The following TMC6 variants were observed in gnomAD, a reference collection of about 807,000 sequenced individuals.
TMC6 encodes the protein transmembrane channel like 6.
A neutral mutation model predicts 95.4 loss-of-function variants in TMC6; 71 were observed. That is an observed-to-expected ratio of 0.74 (90% CI 0.61 to 0.91). The LOEUF is 0.91. Ranked by LOEUF, TMC6 falls within the 40% of genes least tolerant of loss-of-function variation. TMC6 has a pLI of 0.00. For synonymous variants in TMC6, 514 were observed against 483.1 expected (o/e 1.06, Z -0.84); for missense variants, 1,074 against 1,079.1 (o/e 1.00, Z 0.07).
At chr17:78,115,546 C>T (rs1446337817) in intron 18 of TMC6, among the ~76,000 whole-genome samples, 1 of 152,120 alleles carries the variant, frequency 6.6e-6, no homozygotes, top group Non-Finnish European at 1.5e-5. Flanking sequence ...GCTGGGTAGC[C>T]CGGGGGGAAA....
In TMC6 at chr17:78,117,821, G is replaced by T; in HGVS notation, c.2002C>A (p.Leu668Ile). The change falls in exon 16 of 20, where the codon CTC becomes ATC. Residue 668 changes from leucine to isoleucine, a missense_variant. Transcript: ENST00000590602. The part of the protein sequence containing the change: ...FPAFLGAAVF[L>I]CYAVWQVKPS... The stretch of plus-strand genomic sequence containing the variant: ...ACTCACTGCCAGACGGCGTAGCAGA[G>T]GAAGACAGCGGCGCCCAGGAAGGCG... The T allele has an allele frequency of 6.2e-7, 1 of 1,607,470 alleles. No individual in the cohort carries two copies. The highest frequency in any genetic ancestry group is 1.1e-5 in the South Asian group (1 of 89,972).
At chr17:78,123,223 G>A (rs888694190) in intron 9 of TMC6, 11 of 287,414 alleles carry the variant, frequency 3.8e-5, no homozygotes, top group African/African-American at 2.4e-4. Context: ...CTCATGGATT[G>A]TCCCAGCCCA....
Position 78,117,794 on chromosome 17 carries a change from C to T in TMC6, c.2021+8G>A. 1 of 1,604,622 alleles carries T rather than the reference C, an allele frequency of 6.2e-7. No homozygotes were observed. The highest frequency in any genetic ancestry group is 8.5e-7 in the Non-Finnish European group (1 of 1,175,894). On this transcript the variant is annotated splice_region_variant and intron_variant, in intron 16 of 19. Transcript: ENST00000590602. ...ACAGAAGGGTCTCCCTCCACCCGCC[C>T]CACTCACTGCCAGACGGCGTAGCAG...
intron 6 of TMC6, 47 bp from the exon 7 acceptor site, chr17:78,125,032 ACT>A (rs1246684066): frequency 1.3e-6 from 2 of 1,547,688 alleles, no homozygotes; most frequent in Non-Finnish European, 8.7e-7. Flanking sequence ...GAGGGGCCTG[ACT>A]CTCTCCTTCC....
upstream of TMC6, chr17:78,132,305 G>C (rs1354985): frequency 0.51 from 819,998 of 1,602,148 alleles, 216,514 homozygotes; most frequent in Middle Eastern, 0.57. Flanking sequence ...GACTCTCAGC[G>C]CGGCCCCAGC....
At position 78,121,589 on chromosome 17, in the gene TMC6, C is replaced by A; in HGVS notation, c.1350G>T (p.Val450=). ...LCLGTALGCA[V]AVHVFSEFMI... ...TGAACTCCGAGAAGACGTGGACGGC[C>A]ACGGCGCAGCCCAGCGCGGTCCCCA... is the stretch of plus-strand genomic sequence containing the variant. Residue 450 remains valine (V), a synonymous_variant, in exon 11 of 20, where the codon GTG becomes GTT. Transcript: ENST00000590602. The surrounding 1 kb of genome is among the most constrained non-coding windows in gnomAD (Gnocchi z 5.6). 1 of 1,611,640 alleles carries A rather than the reference C, an allele frequency of 6.2e-7. No homozygotes were observed. The highest frequency in any genetic ancestry group is 1.1e-5 in the South Asian group (1 of 91,030).
chr17:78,117,871 A>G lies in TMC6; in HGVS notation c.1952T>C (p.Val651Ala), dbSNP rs1404841725. 1 of 1,607,822 alleles carries G rather than the reference A, an allele frequency of 6.2e-7. No homozygotes were observed. The highest frequency in any genetic ancestry group is 1.7e-5 in the Admixed American group (1 of 59,210). The part of the protein sequence containing the change: ...RPWLASHMST[V>A]FLTLLCFPAF... The stretch of plus-strand genomic sequence containing the variant: ...GGGGAAGCAGAGCAGCGTGAGGAAG[A>G]CGGTGCTCATGTGTGAGGCCAGCCA... Residue 651 changes from valine (V) to alanine (A), a missense_variant, in exon 16 of 20, where the codon GTC becomes GCC. By Grantham distance (64) the Val-to-Ala change is moderately conservative. Coordinates refer to ENST00000590602, the MANE Select transcript of TMC6 (RefSeq NM_001127198.5).
At chr17:78,132,399 CCG>C, upstream of TMC6, 2 of 1,613,050 alleles carry the variant, frequency 1.2e-6, no homozygotes, top group Non-Finnish European at 1.7e-6. Flanking sequence ...TCACCTTCCT[CCG>C]CTTCCTGCTG....
upstream of TMC6, chr17:78,128,834 C>A (rs1484363224): frequency 2.0e-5 from 3 of 147,398 alleles, no homozygotes; most frequent in African/African-American, 7.5e-5. This position sits in a 1 kb window ranked among gnomAD's most constrained non-coding sequence, Gnocchi z 4.0. Flanking sequence ...TATCACGTGA[C>A]CCGGCCCGGC....
intron 18 of TMC6, among the ~76,000 whole-genome samples, chr17:78,114,395 C>T (rs2073948919): frequency 6.6e-6 from 1 of 152,150 alleles, no homozygotes; most frequent in Non-Finnish European, 1.5e-5. Context: ...TTAATTCTAC[C>T]TGCAATCGTA....
At chr17:78,123,887 A>G in intron 9 of TMC6, 102 bp downstream of exon 9, 1 of 1,477,122 alleles carries the variant, frequency 6.8e-7, no homozygotes, top group South Asian at 1.2e-5. Flanking sequence ...AGGTAGATGG[A>G]CAGAAGGAAG....
rs1274156183 is a variant in TMC6, at chr17:78,122,804, A to T, written c.1083-55T>A. The T allele has an allele frequency of 1.3e-6, 2 of 1,584,126 alleles. No individual in the cohort carries two copies. The highest frequency in any genetic ancestry group is 1.3e-5 in the African/African-American group (1 of 74,222). On this transcript the variant is annotated intron_variant, in intron 9 of 19. Coordinates refer to ENST00000590602, the MANE Select transcript of TMC6 (RefSeq NM_001127198.5). The surrounding 1 kb of genome is among the most constrained non-coding windows in gnomAD (Gnocchi z 4.9). ...CCAACAAGCTGACGGGCAGAGGCCA[A>T]GGGGAGAAGGCAGACCGGATGCTCT...
chr17:78,121,437 T>C lies in TMC6; in HGVS notation c.1383+119A>G. On this transcript the variant is annotated intron_variant, in intron 11 of 19. Transcript: ENST00000590602. The surrounding 1 kb of genome is among the most constrained non-coding windows in gnomAD (Gnocchi z 5.6). ...GCCCCAGCACGGGGCACAGCGTACG[T>C]GGCACCCTGGGCTGGCTGGGTGGAG... 6.6e-7 allele frequency: 1 copy of C among 1,525,204 alleles called. No homozygotes were observed. The highest frequency in any genetic ancestry group is 8.9e-7 in the Non-Finnish European group (1 of 1,121,308). 94.5% of individuals were successfully genotyped at this position (1,525,204 alleles called of 1,614,324 possible).
chr17:78,125,410 CGT>C (rs2074656919), intron 5 of TMC6, 147 bp from the exon 6 acceptor site: 3 of 820,844 alleles, frequency 3.7e-6, no homozygotes. Context: ...GCCAATCAGC[CGT>C]GTGTTTGCTT....
intron 19 of TMC6, 78 bp downstream of exon 19, chr17:78,113,470 G>A: frequency 6.5e-7 from 1 of 1,526,718 alleles, no homozygotes; most frequent in Non-Finnish European, 9.1e-7. Flanking sequence ...TGTAGCCCCA[G>A]TGGCAGCCCT....
chr17:78,126,027 C>A, intron 4 of TMC6, 143 bp from the exon 5 acceptor site: 1 of 1,274,338 alleles, frequency 7.8e-7, no homozygotes, highest in South Asian at 1.4e-5. Context: ...GGCACCACTG[C>A]ATTCCGAAAG....
chr17:78,128,176 G>A lies in TMC6; in HGVS notation c.-75+436C>T, dbSNP rs2074830136. On this transcript the variant is annotated intron_variant, in intron 1 of 19. Transcript: ENST00000590602. This position sits in a 1 kb window ranked among gnomAD's most constrained non-coding sequence, Gnocchi z 4.0. The stretch of plus-strand genomic sequence containing the variant: ...GAGGCTGGGTGGCGCCCGTTTCCAG[G>A]AACCCCCACCCCAGCCGGCAGCGAG... Among the ~76,000 whole-genome samples, 1 of 152,140 alleles carries A rather than the reference G, an allele frequency of 6.6e-6. No homozygotes were observed. Among genetic ancestry groups the A allele is most frequent in the African/African-American group, 2.4e-5 (1 of 41,422 alleles).
Position 78,126,261 on chromosome 17 carries a change from T to C in TMC6, c.271+16A>G, listed in dbSNP as rs1426290100. ...TCGGGGCCGGGGCCGAGGCCGAGGC[T>C]GAGGGTCCCACTCACCAATGGTGCG... is the stretch of plus-strand genomic sequence containing the variant. On this transcript the variant is annotated intron_variant, in intron 4 of 19. Coordinates refer to ENST00000590602, the MANE Select transcript of TMC6 (RefSeq NM_001127198.5). 1.3e-6 allele frequency: 2 copies of C among 1,549,022 alleles called. No homozygotes were observed. The highest frequency in any genetic ancestry group is 2.4e-5 in the East Asian group (1 of 41,328).
At chr17:78,123,924 GGGTCGAAA>G in intron 9 of TMC6, 57 bp downstream of exon 9, 2 of 1,584,134 alleles carry the variant, frequency 1.3e-6, no homozygotes, top group African/African-American at 2.7e-5. Flanking sequence ...ATCAATGAAT[GGGTCGAAA>G]GATGAATGGA....
Sources: allele counts gnomAD v4.1 joint callset (sites outside exome capture counted in the v4.1 genomes callset), GRCh38; gene constraint gnomAD v4.1.1; non-coding constraint Gnocchi (gnomAD v3.1); transcripts MANE v1.5; gene names NCBI Gene and HGNC (gene_info 2026-07-23, HGNC 2026-07-21).